The following NPHP4 variants were observed in gnomAD, a reference collection of about 807,000 sequenced individuals.
NPHP4 encodes nephrocystin 4, also known as nephrocystin-4.
Under a neutral mutation model 155.8 loss-of-function variants are expected in NPHP4, and 151 were observed. The ratio of observed to expected loss-of-function variants is 0.97; its 90% CI spans 0.85 to 1.11. The LOEUF (loss-of-function observed/expected upper bound fraction) is 1.11, where lower values mean the gene tolerates loss of function less well. Among genes scored for constraint, NPHP4 ranks in the 50% least tolerant of loss-of-function variants. The probability of loss-of-function intolerance (pLI) is 0.00; values close to 1 mark genes in which losing one functional copy is unlikely to be tolerated. For missense variants in NPHP4, 1,956 were observed against 1,925.7 expected, an observed-to-expected ratio of 1.02 and a Z score of -0.29; for synonymous variants, 845 against 816.8, an observed-to-expected ratio of 1.03 and a Z score of -0.59.
In NPHP4 at chr1:5,909,137, G is replaced by C. The variant is rs761031306; in HGVS notation, c.1503+15C>G. 1 of 1,585,888 alleles carries C rather than the reference G, an allele frequency of 6.3e-7. No homozygotes were observed. Among genetic ancestry groups the C allele is most frequent in the Admixed American group, 1.8e-5 (1 of 56,534 alleles). On this transcript the variant is annotated intron_variant, in intron 12 of 29. Coordinates refer to ENST00000378156, the MANE Select transcript of NPHP4 (RefSeq NM_015102.5). ...TCTGGAATTCTGAAGGAGGCCGTGG[G>C]GGGCCTGGACTTACCCCTGGTCCCA... is the stretch of plus-strand genomic sequence containing the variant.
At chr1:5,915,980 C>T (rs1233598879) in intron 11 of NPHP4, among the ~76,000 whole-genome samples, 2 of 152,098 alleles carry the variant, frequency 1.3e-5, no homozygotes, top group Admixed American at 6.5e-5. Flanking sequence ...GCAGGCACCA[C>T]GGGGCAGGAA....
At position 5,890,558 on chromosome 1, in the gene NPHP4, C is replaced by T. The variant is rs1283580556; in HGVS notation, c.2304+310G>A. Among the ~76,000 whole-genome samples the T allele has an allele frequency of 2.6e-5, 4 of 152,182 alleles. No individual in the cohort carries two copies. The highest frequency in any genetic ancestry group is 6.5e-5 in the Admixed American group (1 of 15,278). On this transcript the variant is annotated intron_variant, in intron 17 of 29. Coordinates refer to ENST00000378156, the MANE Select transcript of NPHP4 (RefSeq NM_015102.5). This position sits in a 1 kb window ranked among gnomAD's most constrained non-coding sequence, Gnocchi z 4.9. ...ACCTCGGATGCACCTGCCCTCACCA[C>T]ATTCACCACATGGGAGGAGATGAAG...
chr1:5,941,423 G>C (rs1289578831), intron 9 of NPHP4, among the ~76,000 whole-genome samples: 1 of 148,178 alleles, frequency 6.7e-6, no homozygotes, highest in African/African-American at 2.5e-5. Flanking sequence ...ATAAAAGAAA[G>C]AACTTATATA....
intron 6 of NPHP4, among the ~76,000 whole-genome samples, chr1:5,961,252 T>G (rs1570651184): frequency 6.7e-6 from 1 of 150,008 alleles, no homozygotes. Flanking sequence ...GCTGGGGGAG[T>G]AGGGAATAGG....
At chr1:5,866,960 T>G in intron 25 of NPHP4, 70 bp downstream of exon 25, 1 of 1,183,210 alleles carries the variant, frequency 8.5e-7, no homozygotes, top group Non-Finnish European at 1.2e-6. Context: ...AGGATACCCG[T>G]GGGGAAGCCG....
chr1:5,991,823 ACTC>A lies in NPHP4; in HGVS notation c.-39+418_-39+420del, dbSNP rs1557906528. 4.0e-5 allele frequency among the ~76,000 whole-genome samples: 6 copies of A among 150,768 alleles called. No individual in the cohort carries two copies. The South Asian group carries it at 1.3e-3, about 32-fold the overall frequency. ...GGGCGCGGCCAGGCGGGGTCCGCGG[ACTC>A]CGGCCTGGGAAGGATGCGCGCGGAC... On this transcript the variant is annotated intron_variant, in intron 1 of 29. Coordinates refer to ENST00000378156, the MANE Select transcript of NPHP4 (RefSeq NM_015102.5).
At position 5,890,942 on chromosome 1, in the gene NPHP4, C is replaced by T. The variant is rs199712626; in HGVS notation, c.2230G>A (p.Val744Met). 237 of 1,607,210 alleles carry T rather than the reference C, an allele frequency of 1.5e-4. No individual in the cohort carries two copies. The highest frequency in any genetic ancestry group is 1.8e-4 in the Non-Finnish European group (206 of 1,175,844). ...CAGACGTCAATCTGCAGGGTCTGCA[C>T]GGCCAGGTAGCGGGCAAAGCAGCGC... ...ERRCFARYLA[V>M]QTLQIDVWDG... Residue 744 changes from valine to methionine, a missense_variant, in exon 17 of 30, where the codon GTG (valine) becomes ATG (methionine). Physicochemically the swap from Val to Met is conservative, Grantham distance 21. Transcript: ENST00000378156. The surrounding 1 kb of genome is among the most constrained non-coding windows in gnomAD (Gnocchi z 4.9).
Position 5,880,168 on chromosome 1 carries a change from C to T in NPHP4, c.2557G>A (p.Asp853Asn), listed in dbSNP as rs199875059. 1.1e-5 allele frequency: 18 copies of T among 1,613,632 alleles called. No homozygotes were observed. The East Asian group carries it at 2.2e-4, about 20-fold the overall frequency. ...PPSRSRVISN[D>N]GASRFSGGSL... ...CCTCCAGAGAAGCGGCTGGCTCCAT[C>T]GTTTGAGATGACCCGAGATCTGGAC... is the stretch of plus-strand genomic sequence containing the variant. The change falls in exon 19 of 30, where the codon GAT (aspartate) becomes AAT (asparagine). Residue 853 changes from aspartate to asparagine, a missense_variant. Physicochemically the swap from Asp to Asn is conservative, Grantham distance 23 (BLOSUM62 1). Coordinates refer to ENST00000378156, the MANE Select transcript of NPHP4 (RefSeq NM_015102.5).
At chr1:5,885,629 C>A (rs959796510) in intron 18 of NPHP4, among the ~76,000 whole-genome samples, 1 of 152,214 alleles carries the variant, frequency 6.6e-6, no homozygotes, top group Admixed American at 6.5e-5. Context: ...GGTTTCCTTG[C>A]GTGGCCTCAG....
At chr1:5,888,708 A>G (rs971483689) in intron 17 of NPHP4, 1 of 918,308 alleles carries the variant, frequency 1.1e-6, no homozygotes, top group Non-Finnish European at 1.5e-6. Context: ...CTCCCAAATC[A>G]TTATCAAAAT....
At chr1:5,866,505 A>G (rs1374062414) in intron 25 of NPHP4, 47 bp from the exon 26 acceptor site, 4 of 1,158,092 alleles carry the variant, frequency 3.5e-6, no homozygotes, top group Non-Finnish European at 5.1e-6. Context: ...TGCTCTGCCG[A>G]CCCCAGCCTG....
chr1:5,989,219 G>C (rs1655899676), intron 1 of NPHP4, among the ~76,000 whole-genome samples: 1 of 152,160 alleles, frequency 6.6e-6, no homozygotes, highest in African/African-American at 2.4e-5. Flanking sequence ...AGCCACCACA[G>C]GGAGAGCCGA....
At chr1:5,930,988 C>T (rs1646243243) in intron 10 of NPHP4, among the ~76,000 whole-genome samples, 1 of 152,174 alleles carries the variant, frequency 6.6e-6, no homozygotes, top group Non-Finnish European at 1.5e-5. Context: ...TATGTCTTGG[C>T]AACTGACCCT....
chr1:5,923,955 C>T (rs1472841188), intron 11 of NPHP4, among the ~76,000 whole-genome samples: 1 of 152,046 alleles, frequency 6.6e-6, no homozygotes, highest in African/African-American at 2.4e-5. Flanking sequence ...AATTAGCAAG[C>T]CAGGATATTA....
rs181621247 is a variant in NPHP4 at position 5,922,297 on chromosome 1, T to C, written c.1441+5352A>G. Among the ~76,000 whole-genome samples the C allele has an allele frequency of 1.2e-3, 178 of 152,370 alleles. 1 individual carries two copies. Among genetic ancestry groups the C allele is most frequent in the Middle Eastern group, 6.8e-3 (2 of 294 alleles). On this transcript the variant is annotated intron_variant, in intron 11 of 29. Transcript: ENST00000378156. ...CACTTTGGACTTCTGACCTCCAGAA[T>C]TTTAGGATAATAAGCTCCTGTTGCA...
chr1:5,915,585 G>A (rs528546673), intron 11 of NPHP4, among the ~76,000 whole-genome samples: 3 of 152,258 alleles, frequency 2.0e-5, no homozygotes, highest in Admixed American at 1.3e-4. Context: ...TGTGCTGCAG[G>A]AGTCCAGATC....
At chr1:5,916,723 A>G (rs2101504053) in intron 11 of NPHP4, among the ~76,000 whole-genome samples, 2 of 152,354 alleles carry the variant, frequency 1.3e-5, no homozygotes, top group Non-Finnish European at 2.9e-5. Flanking sequence ...TAAGAAGTCA[A>G]GCTAGGCCGG....
intron 18 of NPHP4, among the ~76,000 whole-genome samples, chr1:5,885,478 G>A (rs1013271428): frequency 2.6e-5 from 4 of 152,250 alleles, no homozygotes; most frequent in Non-Finnish European, 5.9e-5. Context: ...AAAGCTGACC[G>A]AAAGACAGTG....
At chr1:5,937,136 C>T (rs1390707936) in intron 9 of NPHP4, among the ~76,000 whole-genome samples, 5 of 151,998 alleles carry the variant, frequency 3.3e-5, no homozygotes, top group Non-Finnish European at 5.9e-5. Flanking sequence ...GGGGTTTCCT[C>T]GGAAGGAGCT....
Sources: allele counts gnomAD v4.1 joint callset (sites outside exome capture counted in the v4.1 genomes callset), GRCh38; gene constraint gnomAD v4.1.1; non-coding constraint Gnocchi (gnomAD v3.1); transcripts MANE v1.5; gene names NCBI Gene and HGNC (gene_info 2026-07-23, HGNC 2026-07-21).